AFF2: variants seen among roughly 807,000 people sequenced by gnomAD.
The protein encoded by AFF2 is ALF transcription elongation factor 2, also known as AF4/FMR2 family member 2.
AFF2 carries 14 observed loss-of-function variants against 76.9 expected under a neutral mutation model. That is an observed-to-expected ratio of 0.18 (90% CI 0.12 to 0.28). The LOEUF (loss-of-function observed/expected upper bound fraction) is 0.28. Among genes scored for constraint, AFF2 ranks in the 10% least tolerant of loss-of-function variants. The probability of loss-of-function intolerance (pLI) is 1.00; values close to 1 mark genes in which losing one functional copy is unlikely to be tolerated. For synonymous variants in AFF2, 398 were observed against 366.7 expected, an observed-to-expected ratio of 1.09 and a Z score of -0.98; for missense variants, 868 against 1,001.1, an observed-to-expected ratio of 0.87 and a Z score of 1.79.
intron 3 of AFF2, among the ~76,000 whole-genome samples, chrX:148,756,613 T>A (rs2055563715): frequency 8.9e-6 from 1 of 112,563 alleles, no homozygotes; most frequent in African/African-American, 3.2e-5. Flanking sequence ...TCATTCACCA[T>A]GTCTAACTCA....
rs1411435243 is a variant in AFF2, at chrX:148,920,192, A to C, written c.1397+15934A>C. 6.3e-5 allele frequency among the ~76,000 whole-genome samples: 7 copies of C among 111,390 alleles called. No individual in the cohort carries two copies. In the Admixed American group the frequency reaches 6.7e-4, roughly 11 times the overall value. On this transcript the variant is annotated intron_variant, in intron 9 of 20. Coordinates refer to ENST00000370460, the MANE Select transcript of AFF2 (RefSeq NM_002025.4). Reference sequence around the variant, plus strand: ...TAGATTATAGATTATTGAGAGTAGAACTCCCCCAGGCTTTTTAGTGGTATA... The same window carrying C: ...TAGATTATAGATTATTGAGAGTAGACCTCCCCCAGGCTTTTTAGTGGTATA...
At chrX:148,750,878 C>T (rs912861011) in intron 3 of AFF2, among the ~76,000 whole-genome samples, 10 of 111,760 alleles carry the variant, frequency 8.9e-5, no homozygotes, top group Non-Finnish European at 1.9e-4. Context: ...CATGGCACAA[C>T]TTGCCTTGCA....
At chrX:148,894,240 T>C (rs782356009) in intron 8 of AFF2, among the ~76,000 whole-genome samples, 32 of 111,825 alleles carry the variant, frequency 2.9e-4, no homozygotes, top group African/African-American at 1.0e-3. Flanking sequence ...AACAATTTAC[T>C]GGGGCTTTGG....
At chrX:148,709,366 G>C (rs1183964296) in intron 3 of AFF2, among the ~76,000 whole-genome samples, 1 of 111,386 alleles carries the variant, frequency 9.0e-6, no homozygotes, top group South Asian at 3.8e-4. Context: ...CACATCCTTG[G>C]CACCTGGAAC....
chrX:148,953,895 G>T (rs2072001865), intron 10 of AFF2, among the ~76,000 whole-genome samples, 156 bp downstream of exon 10: 1 of 112,211 alleles, frequency 8.9e-6, no homozygotes, highest in Non-Finnish European at 1.9e-5. Flanking sequence ...AAAGTACCCA[G>T]ATTTTTAACA....
chrX:148,978,608 C>A (rs2072355111), intron 18 of AFF2, among the ~76,000 whole-genome samples, 153 bp downstream of exon 18: 1 of 112,416 alleles, frequency 8.9e-6, no homozygotes, highest in Non-Finnish European at 1.9e-5. Flanking sequence ...AAGGGCTCAG[C>A]AAGGAGTTTA....
intron 1 of AFF2, among the ~76,000 whole-genome samples, chrX:148,615,690 A>T (rs1390351197): frequency 9.0e-6 from 1 of 111,675 alleles, no homozygotes; most frequent in Non-Finnish European, 1.9e-5. Flanking sequence ...TTAGCCCATT[A>T]TTCTTTTGTA....
intron 3 of AFF2, among the ~76,000 whole-genome samples, chrX:148,668,487 G>T (rs1557258745): frequency 8.9e-6 from 1 of 112,707 alleles, no homozygotes; most frequent in Non-Finnish European, 1.9e-5. Flanking sequence ...CCTCTGCAGT[G>T]AACTTCTGCC....
At chrX:148,517,579 T>C (rs369500593) in intron 1 of AFF2, among the ~76,000 whole-genome samples, 16 of 112,015 alleles carry the variant, frequency 1.4e-4, no homozygotes, top group African/African-American at 5.2e-4. Flanking sequence ...CCTTAGTACA[T>C]TGTACCACAT....
At chrX:148,955,543 G>A (rs1056695289) in intron 10 of AFF2, 60 bp from the exon 11 acceptor site, 36 of 1,124,979 alleles carry the variant, frequency 3.2e-5, no homozygotes, top group Non-Finnish European at 3.6e-5. Context: ...TGTACTCAGG[G>A]TTCTCTTGAA....
intron 4 of AFF2, among the ~76,000 whole-genome samples, chrX:148,821,652 C>T (rs1303459828): frequency 9.0e-6 from 1 of 111,215 alleles, no homozygotes; most frequent in Non-Finnish European, 1.9e-5. Context: ...TAAGATCCAC[C>T]ACAGAGATCA....
chrX:148,773,637 G>A (rs2069617854), intron 3 of AFF2, among the ~76,000 whole-genome samples: 1 of 96,658 alleles, frequency 1.0e-5, no homozygotes. Context: ...AAGGAAGGAA[G>A]GAAAGGAGGG....
chrX:148,559,362 T>C (rs953674395), intron 1 of AFF2, among the ~76,000 whole-genome samples: 1 of 110,770 alleles, frequency 9.0e-6, no homozygotes, highest in African/African-American at 3.3e-5. Flanking sequence ...ATGGTGGTGG[T>C]TTGCTGCACC....
chrX:148,698,410 C>T (rs376070952), intron 3 of AFF2, among the ~76,000 whole-genome samples: 26 of 112,394 alleles, frequency 2.3e-4, no homozygotes, highest in African/African-American at 7.8e-4. Context: ...TGTCAAGCGA[C>T]GCGTGACCTG....
intron 8 of AFF2, among the ~76,000 whole-genome samples, chrX:148,898,891 G>A (rs1300120419): frequency 1.8e-5 from 2 of 111,473 alleles, no homozygotes; most frequent in Non-Finnish European, 1.9e-5. Context: ...CCCCTGTTAC[G>A]TATAGCAAAG....
intron 7 of AFF2, among the ~76,000 whole-genome samples, chrX:148,845,379 A>C (rs534129630): frequency 1.8e-5 from 2 of 111,920 alleles, no homozygotes; most frequent in South Asian, 7.5e-4. Flanking sequence ...TCCAGAGAAC[A>C]GCACTTCGTA....
At chrX:148,709,223 AT>A (rs2054927803) in intron 3 of AFF2, among the ~76,000 whole-genome samples, 1 of 111,898 alleles carries the variant, frequency 8.9e-6, no homozygotes, top group East Asian at 2.8e-4. Context: ...TACTAAAAAA[AT>A]TTTTTTAGGC....
At chrX:148,676,631 A>G (rs1463079493) in intron 3 of AFF2, among the ~76,000 whole-genome samples, 1 of 112,141 alleles carries the variant, frequency 8.9e-6, no homozygotes, top group Non-Finnish European at 1.9e-5. Context: ...AAGAATAGCT[A>G]TCTGAGGTGT....
chrX:148,685,984 CT>C (rs1557260311), intron 3 of AFF2, among the ~76,000 whole-genome samples: 1 of 110,160 alleles, frequency 9.1e-6, no homozygotes, highest in African/African-American at 3.3e-5. Flanking sequence ...TATACACACA[CT>C]CCTATCTGTA....
Sources: allele counts gnomAD v4.1 joint callset (sites outside exome capture counted in the v4.1 genomes callset), GRCh38; gene constraint gnomAD v4.1.1; transcripts MANE v1.5; gene names NCBI Gene and HGNC (gene_info 2026-07-23, HGNC 2026-07-21).